NXPH2: variants seen among roughly 807,000 people sequenced by gnomAD.
The protein encoded by NXPH2 is neurexophilin-2.
In NXPH2, 5 loss-of-function variants were observed where a neutral mutation model predicts 19.8. The ratio of observed to expected loss-of-function variants is 0.25; its 90% CI spans 0.13 to 0.53. NXPH2 has a LOEUF of 0.53. NXPH2 is among the 20% of genes least tolerant of loss of function. The pLI, the probability that NXPH2 is intolerant of heterozygous loss-of-function variation, is 0.96. For missense variants in NXPH2, 289 were observed against 322.8 expected (o/e 0.90, Z 0.80); for synonymous variants, 154 against 127.4 (o/e 1.21, Z -1.41).
At chr2:138,697,053 G>A (rs965306900) in intron 1 of NXPH2, among the ~76,000 whole-genome samples, 14 of 152,044 alleles carry the variant, frequency 9.2e-5, no homozygotes, top group Non-Finnish European at 8.8e-5. Flanking sequence ...CAACATGAAT[G>A]AATCTCAAAA....
chr2:138,716,427 G>T (rs543918967), intron 1 of NXPH2, among the ~76,000 whole-genome samples: 1 of 152,080 alleles, frequency 6.6e-6, no homozygotes, highest in Admixed American at 6.6e-5. Context: ...TTGAGAACAC[G>T]GCCATCTGCA....
At chr2:138,686,970 G>A (rs1202483971) in intron 1 of NXPH2, among the ~76,000 whole-genome samples, 5 of 152,192 alleles carry the variant, frequency 3.3e-5, no homozygotes, top group African/African-American at 1.2e-4. Flanking sequence ...CATTTGGGTT[G>A]GTTCCAAGTC....
At chr2:138,769,118 G>A (rs1682135235) in intron 1 of NXPH2, among the ~76,000 whole-genome samples, 1 of 152,222 alleles carries the variant, frequency 6.6e-6, no homozygotes, top group Admixed American at 6.5e-5. Context: ...TCTTAATAGT[G>A]TAGTGGTATA....
Position 138,671,198 on chromosome 2 carries a change from G to A in NXPH2, c.519C>T (p.Pro173=). 1 of 1,613,880 alleles carries A rather than the reference G, an allele frequency of 6.2e-7. No individual in the cohort carries two copies. The highest frequency in any genetic ancestry group is 1.1e-5 in the South Asian group (1 of 91,078). Residue 173 remains proline, a synonymous_variant, in exon 2 of 2, where the codon CCC becomes CCT. Transcript: ENST00000272641. ...PSKVVEFEVS[P]QSTLETKESK... is the part of the protein sequence containing the mutation. ...ATTCCTTGGTCTCCAAGGTAGACTGGGGGGAAACTTCAAATTCCACCACCT... is the reference window on the plus strand; with the variant it reads ...ATTCCTTGGTCTCCAAGGTAGACTGAGGGGAAACTTCAAATTCCACCACCT...
At chr2:138,767,433 C>A (rs1278145899) in intron 1 of NXPH2, among the ~76,000 whole-genome samples, 1 of 152,228 alleles carries the variant, frequency 6.6e-6, no homozygotes, top group African/African-American at 2.4e-5. Flanking sequence ...CCCCTGAGAC[C>A]CTTGCATGCC....
At chr2:138,689,322 C>A (rs1573954918) in intron 1 of NXPH2, among the ~76,000 whole-genome samples, 1 of 152,188 alleles carries the variant, frequency 6.6e-6, no homozygotes, top group East Asian at 1.9e-4. Context: ...ATCTCAGACT[C>A]CTGGCCCCAG....
intron 1 of NXPH2, among the ~76,000 whole-genome samples, chr2:138,757,853 CT>C (rs1037815702): frequency 9.6e-5 from 14 of 145,244 alleles, no homozygotes; most frequent in African/African-American, 3.4e-4. Flanking sequence ...ATCTATCTAT[CT>C]ATCTATCTAT....
At chr2:138,762,737 G>C (rs1682035891) in intron 1 of NXPH2, among the ~76,000 whole-genome samples, 1 of 152,172 alleles carries the variant, frequency 6.6e-6, no homozygotes, top group South Asian at 2.1e-4. Context: ...TCATCAAATG[G>C]AGACAGTGGG....
intron 1 of NXPH2, among the ~76,000 whole-genome samples, chr2:138,749,882 A>T (rs192114955): frequency 1.3e-5 from 2 of 152,282 alleles, no homozygotes; most frequent in East Asian, 3.9e-4. Context: ...TATAAAACAG[A>T]GTGTGTCGCT....
At chr2:138,715,858 G>A (rs1048594174) in intron 1 of NXPH2, among the ~76,000 whole-genome samples, 1 of 152,116 alleles carries the variant, frequency 6.6e-6, no homozygotes, top group African/African-American at 2.4e-5. Context: ...CAGAGAACAG[G>A]TCTTGAATTT....
intron 1 of NXPH2, among the ~76,000 whole-genome samples, chr2:138,727,103 A>G (rs888413876): frequency 2.0e-5 from 3 of 152,108 alleles, no homozygotes; most frequent in Non-Finnish European, 4.4e-5. Flanking sequence ...TCTTTTCATA[A>G]CTTGATGGTT....
chr2:138,743,259 A>G (rs957130172), intron 1 of NXPH2, among the ~76,000 whole-genome samples: 4 of 68,116 alleles, frequency 5.9e-5, no homozygotes, highest in Non-Finnish European at 1.1e-4. Flanking sequence ...CCACCTTAGT[A>G]AAAAAAAAGA....
intron 1 of NXPH2, among the ~76,000 whole-genome samples, chr2:138,698,641 GC>G (rs1680865993): frequency 6.6e-6 from 1 of 152,112 alleles, no homozygotes; most frequent in Admixed American, 6.5e-5. Context: ...GATCCTTTGA[GC>G]CCAGGAGTTC....
At chr2:138,685,620 T>C (rs1365696707) in intron 1 of NXPH2, among the ~76,000 whole-genome samples, 1 of 152,240 alleles carries the variant, frequency 6.6e-6, no homozygotes, top group Non-Finnish European at 1.5e-5. Context: ...CAACTATAGT[T>C]GGGCAAAATC....
At chr2:138,768,075 C>T (rs1180429724) in intron 1 of NXPH2, among the ~76,000 whole-genome samples, 1 of 152,172 alleles carries the variant, frequency 6.6e-6, no homozygotes, top group Non-Finnish European at 1.5e-5. Context: ...GATCTTTCTT[C>T]ATAGCAACCT....
At chr2:138,735,238 T>A (rs187884775) in intron 1 of NXPH2, among the ~76,000 whole-genome samples, 161 of 152,240 alleles carry the variant, frequency 1.1e-3, no homozygotes, top group African/African-American at 3.8e-3. Flanking sequence ...ATAGTTGGTA[T>A]TCTATGATGG....
At chr2:138,721,567 G>A (rs1433157913) in intron 1 of NXPH2, among the ~76,000 whole-genome samples, 2 of 152,136 alleles carry the variant, frequency 1.3e-5, no homozygotes, top group Non-Finnish European at 2.9e-5. Flanking sequence ...AGGTAGGGCT[G>A]TGTGGTAAAA....
At chr2:138,733,216 A>C (rs1355697837) in intron 1 of NXPH2, among the ~76,000 whole-genome samples, 1 of 152,244 alleles carries the variant, frequency 6.6e-6, no homozygotes, top group African/African-American at 2.4e-5. Flanking sequence ...TTGAATAAAA[A>C]GTTTCTGAGA....
intron 1 of NXPH2, among the ~76,000 whole-genome samples, chr2:138,700,975 C>A (rs143445012): frequency 1.3e-5 from 2 of 151,874 alleles, no homozygotes; most frequent in African/African-American, 4.8e-5. Context: ...TAGAGAACGG[C>A]GTTTTAAGAA....
Sources: gnomAD v4.1 joint callset for allele counts (sites outside exome capture counted in the v4.1 genomes callset) on GRCh38, gnomAD v4.1.1 for gene constraint, MANE v1.5 for transcripts, NCBI Gene and HGNC (gene_info 2026-07-23, HGNC 2026-07-21) for gene names.